The following IGF2BP2 variants were observed in gnomAD, a reference collection of about 807,000 sequenced individuals.
IGF2BP2 encodes insulin-like growth factor 2 mRNA-binding protein 2.
In IGF2BP2, 17 loss-of-function variants were observed where a neutral mutation model predicts 75.8. The observed-to-expected ratio is 0.22, with a 90% CI of 0.15 to 0.34. The LOEUF (loss-of-function observed/expected upper bound fraction) is 0.34. IGF2BP2 is among the 10% of genes least tolerant of loss of function. The pLI is 1.00. For synonymous variants in IGF2BP2, 288 were observed against 295.6 expected (o/e 0.97, Z 0.26); for missense variants, 516 against 772.4 (o/e 0.67, Z 3.93).
At chr3:185,716,474 A>G (rs778472209) in intron 2 of IGF2BP2, 1 of 519,796 alleles carries the variant, frequency 1.9e-6, no homozygotes, top group Admixed American at 1.9e-5. Flanking sequence ...GTCTCTTCTT[A>G]TGTCTCTGCT....
At chr3:185,722,234 G>C (rs776884276) in intron 2 of IGF2BP2, 7 of 455,412 alleles carry the variant, frequency 1.5e-5, no homozygotes, top group African/African-American at 8.0e-5. Context: ...ATGCCCAGCC[G>C]CAAGTGTTTA....
chr3:185,767,542 G>T (rs1006126762), intron 2 of IGF2BP2, among the ~76,000 whole-genome samples: 1 of 152,092 alleles, frequency 6.6e-6, no homozygotes, highest in Non-Finnish European at 1.5e-5. Context: ...AAATCTCCAA[G>T]AAAGGGACAA....
chr3:185,650,742 T>C (rs1714461385), intron 13 of IGF2BP2, among the ~76,000 whole-genome samples: 1 of 152,030 alleles, frequency 6.6e-6, no homozygotes, highest in African/African-American at 2.4e-5. Context: ...TGTGCAATCA[T>C]CACCATTATC....
At chr3:185,759,578 AGT>A (rs1732085257) in intron 2 of IGF2BP2, among the ~76,000 whole-genome samples, 1 of 152,232 alleles carries the variant, frequency 6.6e-6, no homozygotes, top group Admixed American at 6.5e-5. Flanking sequence ...TTCTGTTAAG[AGT>A]GGCAACCATC....
At chr3:185,691,152 G>A (rs778094669) in intron 5 of IGF2BP2, among the ~76,000 whole-genome samples, 5 of 152,048 alleles carry the variant, frequency 3.3e-5, no homozygotes, top group Non-Finnish European at 5.9e-5. Context: ...AGGCTGGAGT[G>A]CAATGGCGCG....
At chr3:185,752,173 T>C (rs1356061636) in intron 2 of IGF2BP2, among the ~76,000 whole-genome samples, 2 of 152,118 alleles carry the variant, frequency 1.3e-5, no homozygotes, top group Admixed American at 6.5e-5. Context: ...CTTAACTCCT[T>C]GGAGTCTTTC....
intron 14 of IGF2BP2, 105 bp downstream of exon 14, chr3:185,649,297 AC>A: frequency 7.0e-7 from 1 of 1,420,682 alleles, no homozygotes. Context: ...AAAGACCCTG[AC>A]TGTACATTGG....
At chr3:185,746,895 G>T (rs1385850462) in intron 2 of IGF2BP2, among the ~76,000 whole-genome samples, 1 of 152,186 alleles carries the variant, frequency 6.6e-6, no homozygotes, top group Non-Finnish European at 1.5e-5. Context: ...GGTCTGTAAA[G>T]ATCTAGGTAT....
intron 2 of IGF2BP2, among the ~76,000 whole-genome samples, chr3:185,747,433 C>T (rs769192705): frequency 2.0e-5 from 3 of 152,126 alleles, no homozygotes; most frequent in Admixed American, 2.0e-4. Context: ...AATCCCAACA[C>T]TTTGGGAGGC....
chr3:185,663,733 AT>A (rs1284379349), intron 10 of IGF2BP2, among the ~76,000 whole-genome samples: 2 of 152,044 alleles, frequency 1.3e-5, no homozygotes, highest in African/African-American at 4.8e-5. Context: ...AATTTCATTT[AT>A]TTCCACCCTG....
chr3:185,721,824 G>A (rs996599475), intron 2 of IGF2BP2, among the ~76,000 whole-genome samples: 4 of 152,044 alleles, frequency 2.6e-5, no homozygotes, highest in Admixed American at 6.6e-5. Flanking sequence ...CTTCAGCAAT[G>A]TTGGCTTTCT....
intron 2 of IGF2BP2, among the ~76,000 whole-genome samples, chr3:185,711,201 A>C (rs1390653368): frequency 6.6e-6 from 1 of 152,236 alleles, no homozygotes; most frequent in Non-Finnish European, 1.5e-5. Context: ...AATTTGATTT[A>C]TAACCAATTT....
intron 13 of IGF2BP2, 81 bp downstream of exon 13, chr3:185,652,013 A>T (rs1714681239): frequency 2.7e-6 from 3 of 1,127,198 alleles, no homozygotes; most frequent in African/African-American, 3.1e-5. Flanking sequence ...CTGGGCCTCC[A>T]AAGAAGAGCC....
intron 10 of IGF2BP2, among the ~76,000 whole-genome samples, chr3:185,665,608 AAGG>A (rs61547511): frequency 4.5e-4 from 65 of 143,382 alleles, no homozygotes; most frequent in Middle Eastern, 3.9e-3. Context: ...AAGGAAGAAG[AAGG>A]AGGAGGAGGA....
intron 2 of IGF2BP2, among the ~76,000 whole-genome samples, chr3:185,819,333 GA>G (rs1239844575): frequency 6.6e-6 from 1 of 151,728 alleles, no homozygotes; most frequent in Non-Finnish European, 1.5e-5. Flanking sequence ...TTGGTGAATT[GA>G]AAAAAAGCAA....
intron 2 of IGF2BP2, among the ~76,000 whole-genome samples, chr3:185,733,867 GTCTC>G (rs1164172955): frequency 6.6e-6 from 1 of 152,146 alleles, no homozygotes; most frequent in African/African-American, 2.4e-5. Context: ...AGTTTAGCAA[GTCTC>G]TCTATGAATG....
intron 7 of IGF2BP2, among the ~76,000 whole-genome samples, chr3:185,684,178 T>C (rs1720782472): frequency 6.6e-6 from 1 of 152,208 alleles, no homozygotes; most frequent in African/African-American, 2.4e-5. Flanking sequence ...GTCTGGCACA[T>C]AGTGACTGCT....
At chr3:185,713,071 T>C (rs1221389292) in intron 2 of IGF2BP2, among the ~76,000 whole-genome samples, 2 of 145,430 alleles carry the variant, frequency 1.4e-5, no homozygotes, top group Non-Finnish European at 3.0e-5. Flanking sequence ...CCTACAGATA[T>C]GTATGTGTGT....
chr3:185,647,280 A>G lies in IGF2BP2; in HGVS notation c.1594-142T>C. On this transcript the variant is annotated intron_variant, in intron 14 of 15. Coordinates refer to ENST00000382199, the MANE Select transcript of IGF2BP2 (RefSeq NM_006548.6). The surrounding 1 kb of genome is among the most constrained non-coding windows in gnomAD (Gnocchi z 4.9). ...GCTCTCCTTTCCTTTTATCAAGGACACCCCGGGGGCTCCTCTGCCCCTGAG... is the reference window on the plus strand; with the variant it reads ...GCTCTCCTTTCCTTTTATCAAGGACGCCCCGGGGGCTCCTCTGCCCCTGAG... 2 of 631,690 alleles carry G rather than the reference A, an allele frequency of 3.2e-6. No homozygotes were observed. The highest frequency in any genetic ancestry group is 1.9e-5 in the South Asian group (1 of 53,180). 39.1% of individuals were successfully genotyped at this position (631,690 alleles called of 1,614,324 possible). A position where few individuals can be genotyped will look rare whatever the true frequency, so the allele number is the denominator to read the frequency against.
Sources: gnomAD v4.1 joint callset for allele counts (sites outside exome capture counted in the v4.1 genomes callset) on GRCh38, gnomAD v4.1.1 for gene constraint, Gnocchi (gnomAD v3.1) non-coding constraint, MANE v1.5 for transcripts, NCBI Gene and HGNC (gene_info 2026-07-23, HGNC 2026-07-21) for gene names.